The following NDST4 variants were observed in gnomAD, a reference collection of about 807,000 sequenced individuals.
The protein encoded by NDST4 is N-deacetylase and N-sulfotransferase 4, also known as N-heparan sulfate sulfotransferase 4.
NDST4 carries 63 observed loss-of-function variants against 100.8 expected under a neutral mutation model. The observed-to-expected ratio is 0.62, with a 90% CI of 0.51 to 0.77. The LOEUF (loss-of-function observed/expected upper bound fraction) is 0.77. Ranked by LOEUF, NDST4 falls within the 30% of genes least tolerant of loss-of-function variation. The probability of loss-of-function intolerance (pLI) is 0.00; values close to 1 mark genes in which losing one functional copy is unlikely to be tolerated. For synonymous variants in NDST4, 377 were observed against 361.8 expected, an observed-to-expected ratio of 1.04 and a Z score of -0.48; for missense variants, 943 against 1,018.4, an observed-to-expected ratio of 0.93 and a Z score of 1.01.
At chr4:115,098,435 A>G (rs1174538200) in intron 1 of NDST4, among the ~76,000 whole-genome samples, 2 of 152,188 alleles carry the variant, frequency 1.3e-5, no homozygotes, top group African/African-American at 4.8e-5. Flanking sequence ...ATTAGTTACA[A>G]TAGTCCAGAG....
At chr4:115,108,860 T>C (rs1264673399) in intron 1 of NDST4, among the ~76,000 whole-genome samples, 1 of 151,812 alleles carries the variant, frequency 6.6e-6, no homozygotes, top group African/African-American at 2.4e-5. Context: ...AGATTAATAA[T>C]TGCCACAATA....
intron 2 of NDST4, among the ~76,000 whole-genome samples, chr4:114,994,867 CA>C (rs1252826260): frequency 1.3e-5 from 2 of 151,958 alleles, no homozygotes; most frequent in African/African-American, 2.4e-5. Context: ...CAGAAAATGA[CA>C]GGCTGAATGA....
intron 2 of NDST4, among the ~76,000 whole-genome samples, chr4:115,000,641 T>C (rs999681465): frequency 2.0e-5 from 3 of 152,126 alleles, no homozygotes; most frequent in African/African-American, 7.2e-5. Flanking sequence ...ATGACACTAA[T>C]TACTACGCAA....
chr4:114,914,828 C>T (rs1313843778), intron 6 of NDST4, among the ~76,000 whole-genome samples: 1 of 152,040 alleles, frequency 6.6e-6, no homozygotes, highest in Non-Finnish European at 1.5e-5. Context: ...AAGGCAAGAG[C>T]AGCTGCTTGT....
At chr4:114,852,645 A>G (rs547463215) in intron 8 of NDST4, 80 bp downstream of exon 8, 1 of 734,232 alleles carries the variant, frequency 1.4e-6, no homozygotes, top group South Asian at 2.0e-5. Flanking sequence ...AGAAAAATCT[A>G]ATCTGATAAA....
At chr4:114,967,553 C>A (rs756880883) in intron 4 of NDST4, among the ~76,000 whole-genome samples, 6 of 152,104 alleles carry the variant, frequency 3.9e-5, no homozygotes, top group Non-Finnish European at 7.4e-5. Flanking sequence ...AAACGCAAGG[C>A]TCTAGAGTAG....
chr4:115,022,306 C>T (rs759432845), intron 2 of NDST4, among the ~76,000 whole-genome samples: 2 of 147,920 alleles, frequency 1.4e-5, no homozygotes, highest in African/African-American at 2.7e-5. Flanking sequence ...ATATGTTCCA[C>T]GTACATATGT....
At chr4:114,947,292 T>C (rs768910634) in intron 4 of NDST4, among the ~76,000 whole-genome samples, 2 of 152,070 alleles carry the variant, frequency 1.3e-5, no homozygotes, top group Non-Finnish European at 2.9e-5. Flanking sequence ...TGTAAAGAAA[T>C]TCAGAGCATA....
At chr4:114,894,807 T>G (rs1276553441) in intron 6 of NDST4, among the ~76,000 whole-genome samples, 2 of 152,130 alleles carry the variant, frequency 1.3e-5, no homozygotes, top group Non-Finnish European at 2.9e-5. Context: ...GAGGGCATCC[T>G]TGTCTTTTAC....
At chr4:114,883,597 T>C (rs1266107252) in intron 6 of NDST4, among the ~76,000 whole-genome samples, 3 of 152,016 alleles carry the variant, frequency 2.0e-5, no homozygotes, top group Admixed American at 6.6e-5. Context: ...TTCAACCATA[T>C]CAATAATCAC....
intron 6 of NDST4, among the ~76,000 whole-genome samples, chr4:114,917,691 A>C (rs895988650): frequency 1.3e-5 from 2 of 152,154 alleles, no homozygotes; most frequent in African/African-American, 4.8e-5. Flanking sequence ...AAAACACAGA[A>C]AGGGAGTGCA....
intron 1 of NDST4, among the ~76,000 whole-genome samples, chr4:115,102,350 T>TGC (rs1729747708): frequency 6.6e-6 from 1 of 152,256 alleles, no homozygotes; most frequent in Non-Finnish European, 1.5e-5. Context: ...GACTTATGCA[T>TGC]AAATAAAGGA....
intron 1 of NDST4, among the ~76,000 whole-genome samples, chr4:115,101,003 T>C (rs1578521726): frequency 1.3e-5 from 2 of 152,036 alleles, no homozygotes; most frequent in Admixed American, 6.6e-5. Flanking sequence ...ACATAATAAA[T>C]AGAAGTGTCA....
intron 1 of NDST4, among the ~76,000 whole-genome samples, chr4:115,091,435 A>G (rs1179399012): frequency 6.6e-6 from 1 of 152,106 alleles, no homozygotes; most frequent in Non-Finnish European, 1.5e-5. Context: ...TGTGTACACC[A>G]TGGTTTAGAT....
chr4:114,933,451 T>G lies in NDST4; in HGVS notation c.1536+1755A>C, dbSNP rs1474749996. On this transcript the variant is annotated intron_variant, in intron 6 of 13. Transcript: ENST00000264363. Reference sequence around the variant, plus strand: ...CTTTTCCTTTTTTTTTTTTTTTTTTTTTTGTGTGTAAAAACCCAAAAGCCC... The same window carrying G: ...CTTTTCCTTTTTTTTTTTTTTTTTTGTTTGTGTGTAAAAACCCAAAAGCCC... Among the ~76,000 whole-genome samples, 345 of 127,930 alleles carry G rather than the reference T, an allele frequency of 2.7e-3. 3 individuals carry two copies. The highest frequency in any genetic ancestry group is 9.7e-3 in the African/African-American group (333 of 34,404). 83.9% of individuals were successfully genotyped at this position (127,930 alleles called of 152,430 possible).
chr4:114,829,420 G>A (rs565035440), intron 13 of NDST4, among the ~76,000 whole-genome samples: 2 of 151,958 alleles, frequency 1.3e-5, no homozygotes, highest in Non-Finnish European at 2.9e-5. Flanking sequence ...CTGTAATGTA[G>A]GCCTTGAATA....
intron 4 of NDST4, among the ~76,000 whole-genome samples, chr4:114,945,020 A>C (rs1339749125): frequency 6.6e-6 from 1 of 151,588 alleles, no homozygotes; most frequent in Non-Finnish European, 1.5e-5. Flanking sequence ...GACCAGCCTA[A>C]CCGACATGGA....
At chr4:114,969,564 G>T (rs1726462861) in intron 4 of NDST4, among the ~76,000 whole-genome samples, 1 of 152,160 alleles carries the variant, frequency 6.6e-6, no homozygotes, top group African/African-American at 2.4e-5. Context: ...CCAACATGCA[G>T]TGTTTGGTTT....
chr4:114,901,646 A>G (rs188393746), intron 6 of NDST4, among the ~76,000 whole-genome samples: 103 of 152,100 alleles, frequency 6.8e-4, no homozygotes, highest in African/African-American at 2.4e-3. Flanking sequence ...TCACTGATAT[A>G]GCCAAAATAA....
Sources: gnomAD v4.1 joint callset for allele counts (sites outside exome capture counted in the v4.1 genomes callset) on GRCh38, gnomAD v4.1.1 for gene constraint, MANE v1.5 for transcripts, NCBI Gene and HGNC (gene_info 2026-07-23, HGNC 2026-07-21) for gene names.